Variants in DACH1 observed in about 807,000 individuals in gnomAD.
DACH1 encodes dachshund family transcription factor 1.
Under a neutral mutation model 54.2 loss-of-function variants are expected in DACH1, and 12 were observed. The observed-to-expected ratio is 0.22, with a 90% CI of 0.14 to 0.36. The LOEUF is 0.36. Among genes scored for constraint, DACH1 ranks in the 10% least tolerant of loss-of-function variants. The pLI is 1.00. For missense variants in DACH1, 805 were observed against 929.8 expected (o/e 0.87, Z 1.75); for synonymous variants, 386 against 366.2 (o/e 1.05, Z -0.62).
chr13:71,641,119 T>A (rs1178345061), intron 2 of DACH1, among the ~76,000 whole-genome samples: 1 of 151,908 alleles, frequency 6.6e-6, no homozygotes, highest in South Asian at 2.1e-4. Flanking sequence ...GGATGAGCCA[T>A]CTAATTAAAT....
rs971371657 is a variant in DACH1 at position 71,629,991 on chromosome 13, T to C, written c.1126+565A>G. ...TGACAGTGACAGTTAACTTTTCATCTTTCTCCATATGGTAGGAAAGAAAAA... is the reference window on the plus strand; with the variant it reads ...TGACAGTGACAGTTAACTTTTCATCCTTCTCCATATGGTAGGAAAGAAAAA... On this transcript the variant is annotated intron_variant, in intron 3 of 10. Transcript: ENST00000613252. 8.5e-5 allele frequency among the ~76,000 whole-genome samples: 13 copies of C among 152,250 alleles called. 1 individual carries two copies. Among genetic ancestry groups the C allele is most frequent in the African/African-American group, 3.1e-4 (13 of 41,566 alleles).
intron 1 of DACH1, among the ~76,000 whole-genome samples, chr13:71,728,716 T>C (rs565795719): frequency 6.6e-6 from 1 of 152,136 alleles, no homozygotes; most frequent in Non-Finnish European, 1.5e-5. Flanking sequence ...TTTTCAGAGA[T>C]CCATGCCTGA....
At chr13:71,709,635 A>G (rs550217946) in intron 1 of DACH1, among the ~76,000 whole-genome samples, 1 of 152,328 alleles carries the variant, frequency 6.6e-6, no homozygotes, top group Non-Finnish European at 1.5e-5. Context: ...GCATATTGGT[A>G]TAATTGCTCT....
intron 7 of DACH1, among the ~76,000 whole-genome samples, chr13:71,481,906 C>T (rs139150270): frequency 7.2e-5 from 11 of 152,254 alleles, no homozygotes; most frequent in East Asian, 1.9e-4. Flanking sequence ...CACGTGCAAA[C>T]GGTCACGTTA....
intron 1 of DACH1, among the ~76,000 whole-genome samples, chr13:71,761,125 T>C (rs142695073): frequency 0.026 from 3,949 of 152,244 alleles, 71 homozygotes; most frequent in Non-Finnish European, 0.041. Context: ...TGAATAAAGA[T>C]AAGTAGATTA....
chr13:71,486,146 T>C (rs1169777560), intron 7 of DACH1, among the ~76,000 whole-genome samples: 1 of 151,810 alleles, frequency 6.6e-6, no homozygotes, highest in African/African-American at 2.4e-5. Flanking sequence ...AATTTAAAAA[T>C]CCAGGCTTTT....
intron 1 of DACH1, among the ~76,000 whole-genome samples, chr13:71,812,736 TAAG>T (rs1271669193): frequency 1.3e-5 from 2 of 151,478 alleles, no homozygotes; most frequent in Non-Finnish European, 2.9e-5. Context: ...TTCCTCTTAA[TAAG>T]AAGAGGCTAA....
rs1881098794 is a variant in DACH1 at position 71,685,153 on chromosome 13, GCTA to G, written c.849-3246_849-3244del. ...CCCTCACTCTGGAAGTAGAAGTGAG[GCTA>G]CTAAGTAGGAACACTTTAATTCACG... is the stretch of plus-strand genomic sequence containing the variant. On this transcript the variant is annotated intron_variant, in intron 1 of 10. Coordinates refer to ENST00000613252, the MANE Select transcript of DACH1 (RefSeq NM_080759.6). Among the ~76,000 whole-genome samples the G allele has an allele frequency of 7.2e-5, 11 of 152,292 alleles. No individual in the cohort carries two copies. The South Asian group carries it at 2.3e-3, about 32-fold the overall frequency.
Position 71,636,184 on chromosome 13 carries a change from C to T in DACH1, c.965-5467G>A, listed in dbSNP as rs138681650. Among the ~76,000 whole-genome samples the T allele has an allele frequency of 1.3e-3, 192 of 152,254 alleles. 2 individuals carry two copies. In the East Asian group the frequency reaches 0.03, roughly 24 times the overall value. ...ACAGAAGTGATGTTCTCCAAGCCCA[C>T]ATCCACAGAATATTTCTGAAATGGA... is the stretch of plus-strand genomic sequence containing the variant. On this transcript the variant is annotated intron_variant, in intron 2 of 10. Coordinates refer to ENST00000613252, the MANE Select transcript of DACH1 (RefSeq NM_080759.6).
intron 10 of DACH1, among the ~76,000 whole-genome samples, chr13:71,465,035 G>C (rs565897073): frequency 6.6e-6 from 1 of 152,098 alleles, no homozygotes; most frequent in South Asian, 2.1e-4. Flanking sequence ...AATATGGTTT[G>C]AACAGTAGAA....
At chr13:71,783,710 G>A (rs1279354623) in intron 1 of DACH1, among the ~76,000 whole-genome samples, 1 of 151,912 alleles carries the variant, frequency 6.6e-6, no homozygotes, top group African/African-American at 2.4e-5. Flanking sequence ...TCTTTCTATG[G>A]TATACTTAAC....
intron 4 of DACH1, among the ~76,000 whole-genome samples, chr13:71,567,783 T>C (rs903310427): frequency 6.6e-6 from 1 of 152,038 alleles, no homozygotes; most frequent in Non-Finnish European, 1.5e-5. Flanking sequence ...TCAGAACACA[T>C]GCCTTAAATC....
chr13:71,586,120 T>A (rs1873241335), intron 3 of DACH1, among the ~76,000 whole-genome samples: 1 of 152,068 alleles, frequency 6.6e-6, no homozygotes, highest in Non-Finnish European at 1.5e-5. Context: ...CTGTATCATG[T>A]TTGGAAGGTT....
At chr13:71,611,461 C>G (rs919938944) in intron 3 of DACH1, among the ~76,000 whole-genome samples, 10 of 152,134 alleles carry the variant, frequency 6.6e-5, no homozygotes, top group African/African-American at 2.4e-4. Context: ...CGGAATAGAT[C>G]TTCAACAGGG....
At chr13:71,794,973 T>C (rs879867121) in intron 1 of DACH1, among the ~76,000 whole-genome samples, 6 of 152,134 alleles carry the variant, frequency 3.9e-5, no homozygotes, top group Non-Finnish European at 7.4e-5. Context: ...GAATATAGTA[T>C]ACTCAAACCA....
At chr13:71,742,102 A>T (rs768356084) in intron 1 of DACH1, among the ~76,000 whole-genome samples, 1 of 152,314 alleles carries the variant, frequency 6.6e-6, no homozygotes, top group East Asian at 1.9e-4. Flanking sequence ...TAGGTTTATC[A>T]GGGGTTTCCG....
intron 3 of DACH1, among the ~76,000 whole-genome samples, chr13:71,591,774 T>G (rs1873730292): frequency 6.6e-6 from 1 of 152,154 alleles, no homozygotes; most frequent in African/African-American, 2.4e-5. Flanking sequence ...TGATGACATT[T>G]TAAGGTATTT....
chr13:71,843,334 T>C (rs536199749), intron 1 of DACH1, among the ~76,000 whole-genome samples: 1 of 152,266 alleles, frequency 6.6e-6, no homozygotes, highest in South Asian at 2.1e-4. Flanking sequence ...GTCACAATCA[T>C]GGCTCACCAC....
At chr13:71,605,714 TCTTA>T (rs1166917590) in intron 3 of DACH1, among the ~76,000 whole-genome samples, 1 of 152,002 alleles carries the variant, frequency 6.6e-6, no homozygotes, top group African/African-American at 2.4e-5. Flanking sequence ...CTTCAATAAG[TCTTA>T]CTTTTATTAT....
Sources: allele counts gnomAD v4.1 joint callset (sites outside exome capture counted in the v4.1 genomes callset), GRCh38; gene constraint gnomAD v4.1.1; transcripts MANE v1.5; gene names NCBI Gene and HGNC (gene_info 2026-07-23, HGNC 2026-07-21).